DYSF: variants seen among roughly 807,000 people sequenced by gnomAD.
DYSF encodes dystrophy-associated fer-1-like 1.
A neutral mutation model predicts 274.9 loss-of-function variants in DYSF; 212 were observed. The ratio of observed to expected loss-of-function variants is 0.77; its 90% CI spans 0.69 to 0.86. DYSF has a LOEUF of 0.86. Among genes scored for constraint, DYSF ranks in the 40% least tolerant of loss-of-function variants. DYSF has a pLI of 0.00. For missense variants in DYSF, 2,666 were observed against 2,783.2 expected, an observed-to-expected ratio of 0.96 and a Z score of 0.95; for synonymous variants, 1,091 against 1,078.7, an observed-to-expected ratio of 1.01 and a Z score of -0.22.
chr2:71,529,033 C>A (rs1385161505), intron 14 of DYSF, among the ~76,000 whole-genome samples: 1 of 152,132 alleles, frequency 6.6e-6, no homozygotes, highest in East Asian at 1.9e-4. Context: ...CGTAGCTCTC[C>A]GAACCCTCCC....
At chr2:71,600,580 G>A in intron 33 of DYSF, 122 bp from the exon 34 acceptor site, 1 of 1,354,982 alleles carries the variant, frequency 7.4e-7, no homozygotes, top group South Asian at 1.2e-5. Flanking sequence ...TCTGTGGGAG[G>A]GGGTGCCCTT....
At chr2:71,468,653 G>A (rs919521656) in intron 1 of DYSF, among the ~76,000 whole-genome samples, 19 of 152,138 alleles carry the variant, frequency 1.2e-4, no homozygotes, top group Admixed American at 1.2e-3. Flanking sequence ...ATCTCCAACC[G>A]TTTCAAGTCT....
chr2:71,526,403 G>T, intron 13 of DYSF, 57 bp downstream of exon 13: 1 of 1,554,498 alleles, frequency 6.4e-7, no homozygotes. Flanking sequence ...GCGCAGGGCT[G>T]GTGGGGGTGG....
intron 27 of DYSF, 70 bp from the exon 28 acceptor site, chr2:71,570,159 A>G: frequency 7.0e-7 from 1 of 1,431,516 alleles, no homozygotes; most frequent in Admixed American, 1.7e-5. Context: ...GTCAAGTTGC[A>G]TCTTTTCTGC....
chr2:71,571,833 C>T (rs2092487205), intron 29 of DYSF, among the ~76,000 whole-genome samples: 1 of 142,076 alleles, frequency 7.0e-6, no homozygotes, highest in African/African-American at 2.6e-5. Flanking sequence ...ACATCACACC[C>T]AGCACATGCA....
intron 41 of DYSF, 22 bp downstream of exon 41, chr2:71,620,631 G>A (rs1445573914): frequency 1.3e-6 from 2 of 1,550,230 alleles, no homozygotes; most frequent in Non-Finnish European, 1.7e-6. Context: ...TTACTTATTT[G>A]TGGGCTCCTT....
chr2:71,570,702 G>T lies in DYSF; in HGVS notation c.3189G>T (p.Leu1063=), dbSNP rs2152815295. The T allele has an allele frequency of 6.2e-7, 1 of 1,614,030 alleles. No homozygotes were observed. Among genetic ancestry groups the T allele is most frequent in the Non-Finnish European group, 8.5e-7 (1 of 1,179,948 alleles). Residue 1063 remains leucine, a synonymous_variant, in exon 29 of 56, where the codon CTG becomes CTT. Transcript: ENST00000410020. The part of the protein sequence containing the change: ...YTHRRRRWVR[L]RRRDLSQMEA... ...ACCGACGGCGGCGCTGGGTGCGCCTGCGCAGGAGGGATCTCAGCCAAATGG... is the reference window on the plus strand; with the variant it reads ...ACCGACGGCGGCGCTGGGTGCGCCTTCGCAGGAGGGATCTCAGCCAAATGG...
intron 55 of DYSF, among the ~76,000 whole-genome samples, 188 bp from the exon 56 acceptor site, chr2:71,686,266 T>G (rs1349549757): frequency 6.6e-6 from 1 of 152,008 alleles, no homozygotes; most frequent in Non-Finnish European, 1.5e-5. Flanking sequence ...GAGCCCCACA[T>G]GGTATGGATG....
intron 3 of DYSF, among the ~76,000 whole-genome samples, chr2:71,496,398 G>T (rs768901017): frequency 6.6e-6 from 1 of 152,136 alleles, no homozygotes; most frequent in Non-Finnish European, 1.5e-5. Context: ...GAGGCAGAGA[G>T]AGCGAGGGGA....
chr2:71,676,477 A>G (rs1324323715), intron 52 of DYSF, among the ~76,000 whole-genome samples: 3 of 152,076 alleles, frequency 2.0e-5, no homozygotes, highest in Non-Finnish European at 4.4e-5. Context: ...AGAGCCTTTT[A>G]TGTATTAAGA....
At chr2:71,470,969 T>C (rs906654019) in intron 1 of DYSF, among the ~76,000 whole-genome samples, 1 of 152,032 alleles carries the variant, frequency 6.6e-6, no homozygotes, top group African/African-American at 2.4e-5. Context: ...TTTTTATTTT[T>C]ATTTTTAGTA....
At chr2:71,596,719 C>T (rs1270954949) in intron 32 of DYSF, among the ~76,000 whole-genome samples, 1 of 152,220 alleles carries the variant, frequency 6.6e-6, no homozygotes, top group Non-Finnish European at 1.5e-5. Flanking sequence ...CCATTGCCCT[C>T]TTCTGTTCCA....
chr2:71,536,133 G>A (rs1165132079), intron 16 of DYSF, among the ~76,000 whole-genome samples: 3 of 152,146 alleles, frequency 2.0e-5, no homozygotes, highest in African/African-American at 7.2e-5. Flanking sequence ...GAATATTCGG[G>A]GTCCACACGT....
At chr2:71,551,251 G>C in intron 18 of DYSF, 95 bp downstream of exon 18, 1 of 1,330,886 alleles carries the variant, frequency 7.5e-7, no homozygotes, top group East Asian at 2.3e-5. Flanking sequence ...GCCCCTCCTG[G>C]GGGCCCACGA....
At chr2:71,540,679 T>C (rs1573852283) in intron 17 of DYSF, among the ~76,000 whole-genome samples, 1 of 150,818 alleles carries the variant, frequency 6.6e-6, no homozygotes, top group African/African-American at 2.4e-5. Flanking sequence ...TATTTATATA[T>C]AACATGTTTA....
intron 22 of DYSF, among the ~76,000 whole-genome samples, chr2:71,558,172 G>A (rs1489905383): frequency 6.6e-6 from 1 of 152,198 alleles, no homozygotes; most frequent in Non-Finnish European, 1.5e-5. Flanking sequence ...ACCTGATGAT[G>A]GGGTGAATAT....
intron 30 of DYSF, among the ~76,000 whole-genome samples, chr2:71,579,332 G>C (rs1157874007): frequency 6.6e-6 from 1 of 152,212 alleles, no homozygotes; most frequent in Non-Finnish European, 1.5e-5. Flanking sequence ...CTGGCAGGGA[G>C]GGGAGGGACA....
In DYSF at chr2:71,584,460, G is replaced by T. The variant is rs185871016; in HGVS notation, c.3403-5133G>T. 2.8e-3 allele frequency among the ~76,000 whole-genome samples: 419 copies of T among 152,226 alleles called. 1 individual carries two copies. Among genetic ancestry groups the T allele is most frequent in the African/African-American group, 9.1e-3 (377 of 41,526 alleles). On this transcript the variant is annotated intron_variant, in intron 30 of 55. Coordinates refer to ENST00000410020, the MANE Select transcript of DYSF (RefSeq NM_001130987.2). ...ACCCCACAGATGGCCTCATCCTGGGGTGTAAGTGAGTCCACATTAATCCCT... is the reference window on the plus strand; with the variant it reads ...ACCCCACAGATGGCCTCATCCTGGGTTGTAAGTGAGTCCACATTAATCCCT...
chr2:71,667,117 A>C (rs1477245279), intron 47 of DYSF, among the ~76,000 whole-genome samples: 2 of 152,168 alleles, frequency 1.3e-5, no homozygotes, highest in Non-Finnish European at 2.9e-5. Flanking sequence ...ATAGGAATAA[A>C]AACTATAGAA....
Sources: allele counts gnomAD v4.1 joint callset (sites outside exome capture counted in the v4.1 genomes callset), GRCh38; gene constraint gnomAD v4.1.1; transcripts MANE v1.5; gene names NCBI Gene and HGNC (gene_info 2026-07-23, HGNC 2026-07-21).